Variants in FAM193A observed in about 807,000 individuals in gnomAD.
FAM193A encodes the protein family with sequence similarity 193 member A, also known as protein FAM193A.
In FAM193A, 22 loss-of-function variants were observed where a neutral mutation model predicts 126.5. The observed-to-expected ratio is 0.17, with a 90% CI of 0.12 to 0.25. The LOEUF (loss-of-function observed/expected upper bound fraction) is 0.25, where lower values mean the gene tolerates loss of function less well. FAM193A is among the 10% of genes least tolerant of loss of function. The pLI is 1.00. For synonymous variants in FAM193A, 761 were observed against 646.8 expected, an observed-to-expected ratio of 1.18 and a Z score of -2.68; for missense variants, 1,675 against 1,672.8, an observed-to-expected ratio of 1.00 and a Z score of -0.02.
rs772420740 is a variant in FAM193A at position 2,690,862 on chromosome 4, G to A, written c.2695G>A (p.Val899Ile). The A allele has an allele frequency of 1.2e-6, 2 of 1,614,184 alleles. No homozygotes were observed. The highest frequency in any genetic ancestry group is 3.3e-5 in the Admixed American group (2 of 60,022). The change falls in exon 15 of 21, where the codon GTT becomes ATT. Residue 899 changes from valine (V) to isoleucine (I), a missense_variant. This residue lies in a region of FAM193A where 1,186 missense variants were observed against 1,109.2 expected (regional missense o/e 1.07). Transcript: ENST00000637812. ...FQDAFMEANK[V>I]VMATSSATSS... is the part of the protein sequence containing the mutation. Reference sequence around the variant, plus strand: ...AGATGCTTTCATGGAAGCAAATAAAGTTGTCATGGCCACGTCATCAGCCAC... The same window carrying A: ...AGATGCTTTCATGGAAGCAAATAAAATTGTCATGGCCACGTCATCAGCCAC...
At chr4:2,559,947 C>T (rs1430164510) in intron 1 of FAM193A, among the ~76,000 whole-genome samples, 1 of 151,234 alleles carries the variant, frequency 6.6e-6, no homozygotes, top group Non-Finnish European at 1.5e-5. Context: ...GCACGCTTTT[C>T]TTTTCTTTTC....
Position 2,659,554 on chromosome 4 carries a change from C to G in FAM193A, c.1390-4C>G. 1 of 1,604,436 alleles carries G rather than the reference C, an allele frequency of 6.2e-7. No individual in the cohort carries two copies. Among genetic ancestry groups the G allele is most frequent in the Non-Finnish European group, 8.5e-7 (1 of 1,171,226 alleles). On this transcript the variant is annotated splice_region_variant and splice_polypyrimidine_tract_variant and intron_variant, in intron 8 of 20. Coordinates refer to ENST00000637812, the MANE Select transcript of FAM193A (RefSeq NM_001366318.2). The stretch of plus-strand genomic sequence containing the variant: ...AGATTAAAGCATTTTAAAATTTCCT[C>G]TAGTTAACCAATAAGAAAGCAGTTA...
At chr4:2,697,159 C>T (rs1717136310) in intron 18 of FAM193A, among the ~76,000 whole-genome samples, 1 of 152,026 alleles carries the variant, frequency 6.6e-6, no homozygotes, top group African/African-American at 2.4e-5. Context: ...CCCTCCTTAC[C>T]AGAGGGCATG....
intron 7 of FAM193A, among the ~76,000 whole-genome samples, chr4:2,652,746 A>C (rs1366514849): frequency 6.6e-6 from 1 of 152,244 alleles, no homozygotes; most frequent in African/African-American, 2.4e-5. Context: ...AATCTAAGCC[A>C]TATCACCTGG....
At position 2,711,463 on chromosome 4, in the gene FAM193A, C is replaced by T. The variant is rs901771533; in HGVS notation, c.4373-4560C>T. ...CAAGCAATTCTCCTGTCTCAGCCTCCCGAGTAGCTGGGATTACAGGCATGC... is the reference window on the plus strand; with the variant it reads ...CAAGCAATTCTCCTGTCTCAGCCTCTCGAGTAGCTGGGATTACAGGCATGC... On this transcript the variant is annotated intron_variant, in intron 19 of 20. Coordinates refer to ENST00000637812, the MANE Select transcript of FAM193A (RefSeq NM_001366318.2). Among the ~76,000 whole-genome samples, 316 of 151,840 alleles carry T rather than the reference C, an allele frequency of 2.1e-3. 6 individuals are homozygous for T. Among genetic ancestry groups the T allele is most frequent in the Non-Finnish European group, 5.2e-4 (35 of 67,954 alleles).
At chr4:2,689,438 GTTTAACTAC>G (rs1716110884) in intron 13 of FAM193A, 59 bp from the exon 14 acceptor site, 1 of 1,201,450 alleles carries the variant, frequency 8.3e-7, no homozygotes, top group African/African-American at 1.6e-5. Context: ...TCTGTCTGTA[GTTTAACTAC>G]TTACCTAGGT....
intron 2 of FAM193A, among the ~76,000 whole-genome samples, chr4:2,617,581 C>G (rs77907392): frequency 0.011 from 1,623 of 151,908 alleles, 31 homozygotes; most frequent in African/African-American, 0.037. Context: ...ATTTTAAACT[C>G]TTTCATTTTG....
At chr4:2,615,662 G>A (rs567046665) in intron 2 of FAM193A, among the ~76,000 whole-genome samples, 2 of 151,998 alleles carry the variant, frequency 1.3e-5, no homozygotes, top group East Asian at 3.9e-4. Context: ...GGGACTACAG[G>A]CGTGCGCCAC....
chr4:2,649,975 G>A (rs1435351324), intron 7 of FAM193A, among the ~76,000 whole-genome samples: 1 of 152,282 alleles, frequency 6.6e-6, no homozygotes, highest in African/African-American at 2.4e-5. Context: ...ATTGTGAACT[G>A]CGTGTGCAAG....
intron 5 of FAM193A, among the ~76,000 whole-genome samples, chr4:2,633,899 A>G (rs1743847326): frequency 6.6e-6 from 1 of 152,208 alleles, no homozygotes; most frequent in African/African-American, 2.4e-5. Context: ...GTCTCAAAAA[A>G]AAGATGAAAT....
chr4:2,707,611 CAATT>C (rs925967231), intron 19 of FAM193A, among the ~76,000 whole-genome samples: 38 of 151,588 alleles, frequency 2.5e-4, no homozygotes, highest in African/African-American at 8.2e-4. Flanking sequence ...TATATTACTG[CAATT>C]AATTTCACCC....
chr4:2,588,464 G>A (rs892859571), intron 1 of FAM193A, among the ~76,000 whole-genome samples: 1 of 152,160 alleles, frequency 6.6e-6, no homozygotes, highest in Non-Finnish European at 1.5e-5. Context: ...GCTAGCCTCT[G>A]GTTTGGCTGT....
At chr4:2,696,319 T>G in intron 17 of FAM193A, 44 bp from the exon 18 acceptor site, 1 of 1,341,376 alleles carries the variant, frequency 7.5e-7, no homozygotes, top group Non-Finnish European at 1.0e-6. Context: ...TTTATTATAT[T>G]CAAAATTTTT....
chr4:2,539,349 C>T (rs908748321), intron 1 of FAM193A, among the ~76,000 whole-genome samples: 1 of 152,110 alleles, frequency 6.6e-6, no homozygotes, highest in African/African-American at 2.4e-5. Flanking sequence ...GGGCACAGAC[C>T]CTTGCCACTG....
Position 2,722,028 on chromosome 4 carries a change from T to G in FAM193A, c.4454+5924T>G, listed in dbSNP as rs1577275708. ...CACACAGCACAACCATACTAACATTTAGGATGTCATAGAGAAGTCACGAAA... is the reference window on the plus strand; with the variant it reads ...CACACAGCACAACCATACTAACATTGAGGATGTCATAGAGAAGTCACGAAA... On this transcript the variant is annotated intron_variant, in intron 20 of 20. Coordinates refer to ENST00000637812, the MANE Select transcript of FAM193A (RefSeq NM_001366318.2). 7.2e-5 allele frequency among the ~76,000 whole-genome samples: 11 copies of G among 152,308 alleles called. 1 individual carries two copies. The South Asian group carries it at 2.1e-3, about 29-fold the overall frequency.
chr4:2,646,774 G>T lies in FAM193A; in HGVS notation c.1253G>T (p.Arg418Ile), dbSNP rs2109052998. The change falls in exon 7 of 21, where the codon AGA becomes ATA. Residue 418 changes from arginine (R) to isoleucine (I), a missense_variant. By Grantham distance (97) the Arg-to-Ile change is moderately conservative. Transcript: ENST00000637812. ...RYQRSEEELRRVAEEWLECQK... is the reference protein window; with the variant it reads ...RYQRSEEELRIVAEEWLECQK... ...CAGCGTTCCGAGGAGGAGCTGCGCA[G>T]AGTCGCCGAGGAGTGGCTGGAGTGC... The T allele has an allele frequency of 6.2e-7, 1 of 1,614,136 alleles. No homozygotes were observed. The highest frequency in any genetic ancestry group is 2.2e-5 in the East Asian group (1 of 44,884).
rs1716285144 is a variant in FAM193A at position 2,690,785 on chromosome 4, A to G, written c.2618A>G (p.Asp873Gly). Residue 873 changes from aspartate (D) to glycine (G), a missense_variant, in exon 15 of 21, where the codon GAT becomes GGT. This residue lies in a region of FAM193A where 1,186 missense variants were observed against 1,109.2 expected (regional missense o/e 1.07). Coordinates refer to ENST00000637812, the MANE Select transcript of FAM193A (RefSeq NM_001366318.2). Reference sequence around the variant, plus strand: ...AGCAATGAAACACCTGCAGTCTCGGATAGTAAAGAGAAAAAGAATGCTGCA... The same window carrying G: ...AGCAATGAAACACCTGCAGTCTCGGGTAGTAAAGAGAAAAAGAATGCTGCA... ...PSSNETPAVS[D>G]SKEKKNAAKK... is the part of the protein sequence containing the mutation. 6.2e-7 allele frequency: 1 copy of G among 1,614,130 alleles called. No individual in the cohort carries two copies. The highest frequency in any genetic ancestry group is 8.5e-7 in the Non-Finnish European group (1 of 1,179,960).
chr4:2,659,056 G>A (rs1406389061), intron 8 of FAM193A, among the ~76,000 whole-genome samples: 1 of 152,222 alleles, frequency 6.6e-6, no homozygotes, highest in East Asian at 1.9e-4. Flanking sequence ...CGGCCATCCC[G>A]TCCTTTTGAG....
At chr4:2,607,876 T>A in intron 2 of FAM193A, 1 of 721,844 alleles carries the variant, frequency 1.4e-6, no homozygotes, top group Non-Finnish European at 2.3e-6. Context: ...TTGTATGTGT[T>A]GCAGATATTG....
Sources: gnomAD v4.1 joint callset for allele counts (sites outside exome capture counted in the v4.1 genomes callset) on GRCh38, gnomAD v4.1.1 for gene constraint, gnomAD v4.1.1 regional missense constraint, MANE v1.5 for transcripts, NCBI Gene and HGNC (gene_info 2026-07-23, HGNC 2026-07-21) for gene names.